RECK: variants seen among roughly 807,000 people sequenced by gnomAD.
RECK encodes the protein reversion inducing cysteine rich protein with kazal motifs.
In RECK, 69 loss-of-function variants were observed where a neutral mutation model predicts 115.1. The observed-to-expected ratio is 0.60, with a 90% confidence interval of 0.49 to 0.73. The LOEUF (loss-of-function observed/expected upper bound fraction) is 0.73, where lower values mean the gene tolerates loss of function less well. RECK is among the 30% of genes least tolerant of loss of function. The pLI is 0.00. For missense variants in RECK, 1,047 were observed against 1,203.7 expected (o/e 0.87, Z 1.93); for synonymous variants, 414 against 419.7 (o/e 0.99, Z 0.17).
Position 36,123,186 on chromosome 9 carries a change from TAATCCGCCAATATTAGTAGGA to T in RECK, c.*142_*162del. On this transcript the variant is annotated 3_prime_UTR_variant, in exon 21 of 21. Coordinates refer to ENST00000377966, the MANE Select transcript of RECK (RefSeq NM_021111.3). ...ATTCGCCACACAGTATTTTTTTTTT[TAATCCGCCAATATTAGTAGGA>T]TTTTTGTTTTGTTTTTACAAATGTT... 3 of 602,234 alleles carry T rather than the reference TAATCCGCCAATATTAGTAGGA, an allele frequency of 5.0e-6. No homozygotes were observed. The highest frequency in any genetic ancestry group is 5.7e-6 in the Non-Finnish European group (2 of 349,016). 37.3% of individuals were successfully genotyped at this position (602,234 alleles called of 1,614,324 possible).
intron 6 of RECK, among the ~76,000 whole-genome samples, chr9:36,075,719 G>A (rs1822422084): frequency 6.6e-6 from 1 of 152,146 alleles, no homozygotes. Flanking sequence ...ACCCATCTGT[G>A]AAAAGGAAAC....
chr9:36,091,092 T>C, intron 9 of RECK, 72 bp from the exon 10 acceptor site: 1 of 1,425,536 alleles, frequency 7.0e-7, no homozygotes, highest in Non-Finnish European at 9.8e-7. Flanking sequence ...TTCATAGAGT[T>C]TTAGTTTTAT....
intron 1 of RECK, among the ~76,000 whole-genome samples, chr9:36,050,740 A>C (rs747349881): frequency 8.6e-5 from 13 of 151,986 alleles, no homozygotes; most frequent in Non-Finnish European, 1.5e-4. Context: ...CCCTTCAGTC[A>C]TTCTTTTCTA....
At chr9:36,078,389 T>C (rs1472506281) in intron 6 of RECK, among the ~76,000 whole-genome samples, 1 of 152,226 alleles carries the variant, frequency 6.6e-6, no homozygotes, top group Non-Finnish European at 1.5e-5. Flanking sequence ...AACATCCAGG[T>C]TGAACAAATG....
intron 12 of RECK, among the ~76,000 whole-genome samples, chr9:36,104,236 CTT>C (rs1823672177): frequency 7.9e-6 from 1 of 126,164 alleles, no homozygotes; most frequent in Non-Finnish European, 1.6e-5. Flanking sequence ...AATTTTCTGA[CTT>C]AATTATTTAT....
At chr9:36,037,691 T>G (rs1322559747) in intron 1 of RECK, among the ~76,000 whole-genome samples, 1 of 151,814 alleles carries the variant, frequency 6.6e-6, no homozygotes, top group Non-Finnish European at 1.5e-5. Context: ...GATAGGAAAC[T>G]GTTAAGTGCT....
intron 9 of RECK, 99 bp downstream of exon 9, chr9:36,088,060 A>G: frequency 1.2e-6 from 1 of 841,720 alleles, no homozygotes; most frequent in Non-Finnish European, 1.9e-6. Context: ...TACGTGGTAT[A>G]GGTTTAGCAT....
intron 1 of RECK, among the ~76,000 whole-genome samples, chr9:36,041,282 G>C (rs1305131611): frequency 6.6e-6 from 1 of 152,212 alleles, no homozygotes; most frequent in African/African-American, 2.4e-5. Context: ...GATGGATGCT[G>C]TAAAGCACAT....
Position 36,123,752 on chromosome 9 carries a change from C to G in RECK, c.*707C>G, listed in dbSNP as rs1054196302. 6.6e-6 allele frequency: 1 copy of G among 152,218 alleles called. No homozygotes were observed. The highest frequency in any genetic ancestry group is 1.5e-5 in the Non-Finnish European group (1 of 68,044). 9.4% of individuals were successfully genotyped at this position (152,218 alleles called of 1,614,324 possible). On this transcript the variant is annotated 3_prime_UTR_variant, in exon 21 of 21. Transcript: ENST00000377966. ...GTGAAAGGGAGAAGTGACATTGCAT[C>G]AAAGCATCTTGCATTATGCAATTTT...
At chr9:36,109,364 C>T (rs1313866501) in intron 14 of RECK, among the ~76,000 whole-genome samples, 1 of 152,192 alleles carries the variant, frequency 6.6e-6, no homozygotes, top group African/African-American at 2.4e-5. Flanking sequence ...CCAAAGATGG[C>T]ATCAGGTCTG....
intron 6 of RECK, among the ~76,000 whole-genome samples, chr9:36,078,121 T>C (rs1432269109): frequency 6.6e-6 from 1 of 152,264 alleles, no homozygotes; most frequent in African/African-American, 2.4e-5. Flanking sequence ...AATAAAAACT[T>C]TATTTCCAAA....
chr9:36,094,418 A>G lies in RECK; in HGVS notation c.1085+3075A>G, dbSNP rs541538620. 1.3e-5 allele frequency among the ~76,000 whole-genome samples: 2 copies of G among 152,270 alleles called. No individual in the cohort carries two copies. The highest frequency in any genetic ancestry group is 1.3e-4 in the Admixed American group (2 of 15,302). The stretch of plus-strand genomic sequence containing the variant: ...CAAGGAAAACTATAATAAATAATGG[A>G]CATATATTATGCCTAGAGCAACCAC... On this transcript the variant is annotated intron_variant, in intron 10 of 20. Transcript: ENST00000377966. This position sits in a 1 kb window ranked among gnomAD's most constrained non-coding sequence, Gnocchi z 4.1.
At chr9:36,050,758 T>G (rs189269541) in intron 1 of RECK, among the ~76,000 whole-genome samples, 3 of 152,308 alleles carry the variant, frequency 2.0e-5, no homozygotes, top group Non-Finnish European at 2.9e-5. Context: ...CTAGCCACAC[T>G]CTTTGCTCTT....
chr9:36,110,565 A>G (rs1433837739), intron 15 of RECK, among the ~76,000 whole-genome samples: 1 of 152,180 alleles, frequency 6.6e-6, no homozygotes, highest in African/African-American at 2.4e-5. Context: ...TCTTACACCA[A>G]CATAAATAAG....
intron 2 of RECK, among the ~76,000 whole-genome samples, chr9:36,055,747 C>T (rs1821498002): frequency 6.6e-6 from 1 of 151,918 alleles, no homozygotes; most frequent in African/African-American, 2.4e-5. Flanking sequence ...ATTTCCAACT[C>T]TCAGTTCTAT....
chr9:36,048,473 G>A (rs1158629141), intron 1 of RECK, among the ~76,000 whole-genome samples: 4 of 151,984 alleles, frequency 2.6e-5, no homozygotes, highest in Non-Finnish European at 5.9e-5. Flanking sequence ...ATTTATAGTT[G>A]TTTCCTTTCT....
In RECK at chr9:36,060,124, A is replaced by G. The variant is rs1564105632; in HGVS notation, c.240A>G (p.Glu80=). 1 of 1,613,724 alleles carries G rather than the reference A, an allele frequency of 6.2e-7. No individual in the cohort carries two copies. The highest frequency in any genetic ancestry group is 8.5e-7 in the Non-Finnish European group (1 of 1,179,742). The stretch of plus-strand genomic sequence containing the variant: ...TTTGTTGGGTACACTTTTAGGTTGA[A>G]ATTTGGAATTGTATGAATTCATCTT... ...APDYCPETMV[E]IWNCMNSSLP... is the part of the protein sequence containing the mutation. Residue 80 remains glutamate, a synonymous_variant, in exon 4 of 21, where the codon GAA becomes GAG. Coordinates refer to ENST00000377966, the MANE Select transcript of RECK (RefSeq NM_021111.3).
chr9:36,118,417 T>G (rs530877146), intron 17 of RECK, among the ~76,000 whole-genome samples: 1 of 151,464 alleles, frequency 6.6e-6, no homozygotes, highest in East Asian at 2.0e-4. Flanking sequence ...TCTGGTCATC[T>G]TAAAGAGGCG....
At chr9:36,046,147 A>T (rs1320890135) in intron 1 of RECK, among the ~76,000 whole-genome samples, 4 of 152,192 alleles carry the variant, frequency 2.6e-5, no homozygotes. Context: ...CAGAGTTTTA[A>T]ACTATTATTC....
Sources: allele counts gnomAD v4.1 joint callset (sites outside exome capture counted in the v4.1 genomes callset), GRCh38; gene constraint gnomAD v4.1.1; non-coding constraint Gnocchi (gnomAD v3.1); transcripts MANE v1.5; gene names NCBI Gene and HGNC (gene_info 2026-07-23, HGNC 2026-07-21).